The following DNAH9 variants were observed in gnomAD, a reference collection of about 807,000 sequenced individuals.
The protein encoded by DNAH9 is DNAH9 variant protein.
Under a neutral mutation model 471.6 loss-of-function variants are expected in DNAH9, and 345 were observed. That is an observed-to-expected ratio of 0.73 (90% CI 0.67 to 0.80). DNAH9 has a LOEUF of 0.80. DNAH9 is among the 30% of genes least tolerant of loss of function. The pLI is 0.00. For missense variants in DNAH9, 5,407 were observed against 5,609.2 expected, an observed-to-expected ratio of 0.96 and a Z score of 1.15; for synonymous variants, 2,093 against 2,123.6, an observed-to-expected ratio of 0.99 and a Z score of 0.40.
rs11650997 is a variant in DNAH9 at position 11,773,577 on chromosome 17, T to C, written c.7552+4248T>C. Among the ~76,000 whole-genome samples the C allele has an allele frequency of 5.3e-3, 813 of 152,136 alleles. 4 individuals carry two copies. The highest frequency in any genetic ancestry group is 7.1e-3 in the Non-Finnish European group (481 of 67,996). On this transcript the variant is annotated intron_variant, in intron 38 of 68. Transcript: ENST00000262442. ...ATATAATATATACACATACACATAA[T>C]TTATGCTTATATAAAAACTTAGACA... is the stretch of plus-strand genomic sequence containing the variant.
At chr17:11,771,182 C>A (rs893408054) in intron 38 of DNAH9, among the ~76,000 whole-genome samples, 1 of 152,088 alleles carries the variant, frequency 6.6e-6, no homozygotes, top group Non-Finnish European at 1.5e-5. Flanking sequence ...GGCTGGAGTG[C>A]AGTGGCATGA....
rs574261578 is a variant in DNAH9 at position 11,899,391 on chromosome 17, G to A, written c.11407-3328G>A. Among the ~76,000 whole-genome samples, 7 of 152,252 alleles carry A rather than the reference G, an allele frequency of 4.6e-5. No homozygotes were observed. In the South Asian group the frequency reaches 6.2e-4, roughly 14 times the overall value. On this transcript the variant is annotated intron_variant, in intron 59 of 68. Coordinates refer to ENST00000262442, the MANE Select transcript of DNAH9 (RefSeq NM_001372.4). ...TTGCTCATTAGAAAATCTCATCTGC[G>A]ATGAAGGCCTTTGTTAGCCTTTGAA... is the stretch of plus-strand genomic sequence containing the variant.
intron 14 of DNAH9, among the ~76,000 whole-genome samples, chr17:11,655,374 G>A (rs1039110573): frequency 3.1e-4 from 46 of 150,056 alleles, no homozygotes; most frequent in African/African-American, 1.1e-3. Flanking sequence ...GTGTGTGTGT[G>A]TGTGTGTGTG....
In DNAH9 at chr17:11,827,754, C is replaced by T. The variant is rs181630138; in HGVS notation, c.9246+4720C>T. ...AGGCTGGTGTGCAATGGCACAATCTCGGCTCACCGCAACCTCCGCCTCCCA... is the reference window on the plus strand; with the variant it reads ...AGGCTGGTGTGCAATGGCACAATCTTGGCTCACCGCAACCTCCGCCTCCCA... On this transcript the variant is annotated intron_variant, in intron 48 of 68. Coordinates refer to ENST00000262442, the MANE Select transcript of DNAH9 (RefSeq NM_001372.4). Among the ~76,000 whole-genome samples the T allele has an allele frequency of 3.5e-3, 526 of 151,902 alleles. 2 individuals are homozygous for T. Among genetic ancestry groups the T allele is most frequent in the Non-Finnish European group, 4.5e-3 (304 of 67,958 alleles).
At chr17:11,963,320 G>A (rs1352917647) in intron 68 of DNAH9, among the ~76,000 whole-genome samples, 3 of 152,000 alleles carry the variant, frequency 2.0e-5, no homozygotes, top group Non-Finnish European at 4.4e-5. Context: ...TGTTATCCCA[G>A]CTACTCGGAA....
At chr17:11,636,396 G>A (rs73290820) in intron 8 of DNAH9, among the ~76,000 whole-genome samples, 1,655 of 152,272 alleles carry the variant, frequency 0.011, 36 homozygotes, top group African/African-American at 0.038. Flanking sequence ...CTTATGCCAA[G>A]TAGAGCTGGG....
chr17:11,855,769 A>G (rs1971604384), intron 50 of DNAH9, among the ~76,000 whole-genome samples: 5 of 152,208 alleles, frequency 3.3e-5, no homozygotes, highest in Admixed American at 3.3e-4. Context: ...AGTAACAGGT[A>G]GAAATCAGAA....
intron 32 of DNAH9, among the ~76,000 whole-genome samples, chr17:11,748,284 G>A (rs770184845): frequency 2.6e-5 from 4 of 152,062 alleles, no homozygotes; most frequent in Non-Finnish European, 5.9e-5. Context: ...CCAAGATCGT[G>A]CCACTGCACT....
intron 62 of DNAH9, chr17:11,925,470 G>C (rs910440243): frequency 7.2e-6 from 2 of 277,036 alleles, no homozygotes; most frequent in African/African-American, 4.4e-5. Context: ...AGGAAGTTCA[G>C]GAGAAAAGAT....
chr17:11,696,162 A>G (rs1228577374), intron 22 of DNAH9, among the ~76,000 whole-genome samples: 1 of 152,198 alleles, frequency 6.6e-6, no homozygotes, highest in Non-Finnish European at 1.5e-5. Context: ...AAAATAAGCA[A>G]ATGCACATTT....
chr17:11,930,156 TG>T (rs3217010), intron 63 of DNAH9, 63 bp downstream of exon 63: 6 of 1,404,492 alleles, frequency 4.3e-6, no homozygotes, highest in African/African-American at 1.4e-5. Flanking sequence ...TGCAAACTGG[TG>T]GGGGGAGAGC....
chr17:11,929,024 C>CTTTT (rs71142254), intron 62 of DNAH9, among the ~76,000 whole-genome samples: 929 of 102,876 alleles, frequency 9.0e-3, no homozygotes, highest in Non-Finnish European at 0.011. Context: ...GTGTTACAGC[C>CTTTT]TTTTTTTTTT....
intron 6 of DNAH9, among the ~76,000 whole-genome samples, chr17:11,624,768 C>T (rs772607902): frequency 1.3e-5 from 2 of 152,082 alleles, no homozygotes; most frequent in African/African-American, 2.4e-5. Context: ...CTCCCACTTT[C>T]CTGGTTTGAG....
At chr17:11,759,342 GT>G (rs1191242138) in intron 35 of DNAH9, among the ~76,000 whole-genome samples, 1 of 151,694 alleles carries the variant, frequency 6.6e-6, no homozygotes, top group African/African-American at 2.4e-5. Flanking sequence ...TATACCTACT[GT>G]TTAGCTCCCA....
At chr17:11,721,586 G>C (rs758350346) in intron 27 of DNAH9, among the ~76,000 whole-genome samples, 2 of 152,016 alleles carry the variant, frequency 1.3e-5, no homozygotes, top group Non-Finnish European at 2.9e-5. Context: ...GCATTGTGCA[G>C]GATGCCAAAA....
intron 4 of DNAH9, among the ~76,000 whole-genome samples, chr17:11,613,512 G>T (rs199756979): frequency 6.6e-6 from 1 of 152,146 alleles, no homozygotes; most frequent in East Asian, 1.9e-4. Context: ...GGCTGAGGCA[G>T]AAGAATCACT....
intron 45 of DNAH9, among the ~76,000 whole-genome samples, chr17:11,818,035 G>A (rs1376099157): frequency 6.6e-6 from 1 of 152,180 alleles, no homozygotes; most frequent in Non-Finnish European, 1.5e-5. Flanking sequence ...TCAAGAAAGT[G>A]CAGCAGCTTC....
Position 11,705,105 on chromosome 17 carries a change from C to A in DNAH9, c.5472C>A (p.Asn1824Lys). The change falls in exon 26 of 69, where the codon AAC becomes AAA. Residue 1824 changes from asparagine (N) to lysine (K), a missense_variant. Coordinates refer to ENST00000262442, the MANE Select transcript of DNAH9 (RefSeq NM_001372.4). ...WDDEVKHCFA[N>K]ICDAQFLYSY... ...ACGAGGTCAAACACTGCTTTGCCAA[C>A]ATCTGTGATGCCCAGTTTTTGTATT... The A allele has an allele frequency of 6.2e-7, 1 of 1,614,104 alleles. No individual in the cohort carries two copies. Among genetic ancestry groups the A allele is most frequent in the Non-Finnish European group, 8.5e-7 (1 of 1,179,906 alleles).
chr17:11,638,411 G>A (rs1435325904), intron 9 of DNAH9, among the ~76,000 whole-genome samples: 8 of 151,602 alleles, frequency 5.3e-5, no homozygotes, highest in Admixed American at 3.9e-4. Context: ...TTAAGACGGC[G>A]TCTGGCTCTA....
Sources: allele counts gnomAD v4.1 joint callset (sites outside exome capture counted in the v4.1 genomes callset), GRCh38; gene constraint gnomAD v4.1.1; transcripts MANE v1.5; gene names NCBI Gene and HGNC (gene_info 2026-07-23, HGNC 2026-07-21).